Variants in GRIK2 observed in about 807,000 individuals in gnomAD.
GRIK2 encodes the protein glutamate ionotropic receptor kainate type subunit 2.
A neutral mutation model predicts 100.3 loss-of-function variants in GRIK2; 32 were observed. The observed-to-expected ratio is 0.32, with a 90% CI of 0.24 to 0.43. GRIK2 has a LOEUF of 0.43. Ranked by LOEUF, GRIK2 falls within the 20% of genes least tolerant of loss-of-function variation. GRIK2 has a pLI of 1.00. For synonymous variants in GRIK2, 417 were observed against 389.4 expected (o/e 1.07, Z -0.83); for missense variants, 843 against 1,114.9 (o/e 0.76, Z 3.47).
intron 2 of GRIK2, among the ~76,000 whole-genome samples, chr6:101,482,956 T>C (rs940227625): frequency 6.6e-6 from 1 of 152,232 alleles, no homozygotes; most frequent in Non-Finnish European, 1.5e-5. Flanking sequence ...AATTTTATTT[T>C]TTATTTGGTA....
At chr6:101,444,995 C>G (rs1332220650) in intron 2 of GRIK2, among the ~76,000 whole-genome samples, 1 of 151,938 alleles carries the variant, frequency 6.6e-6, no homozygotes, top group Non-Finnish European at 1.5e-5. Flanking sequence ...TCAGACATTT[C>G]TTCTTCCTTC....
chr6:101,403,426 C>A (rs2128236262), intron 2 of GRIK2, among the ~76,000 whole-genome samples: 2 of 152,330 alleles, frequency 1.3e-5, no homozygotes, highest in South Asian at 4.1e-4. Flanking sequence ...CTCTTTGGCA[C>A]TGCACACTGA....
chr6:101,828,568 A>G (rs1001257552), intron 10 of GRIK2, among the ~76,000 whole-genome samples: 2 of 151,996 alleles, frequency 1.3e-5, no homozygotes, highest in Admixed American at 6.6e-5. Context: ...AACTAAGCAC[A>G]ACTGAACACA....
chr6:101,686,081 A>T, intron 6 of GRIK2, 99 bp from the exon 7 acceptor site: 1 of 748,844 alleles, frequency 1.3e-6, no homozygotes, highest in Non-Finnish European at 2.2e-6. Flanking sequence ...CAAAGGTGTT[A>T]AGTGACCTAA....
chr6:101,737,663 A>T lies in GRIK2; in HGVS notation c.951+51310A>T, dbSNP rs184229058. ...GGGTGGGGACACAGATCCAAACAATATCACATGGTATCATGGTGAAAAATG... is the reference window on the plus strand; with the variant it reads ...GGGTGGGGACACAGATCCAAACAATTTCACATGGTATCATGGTGAAAAATG... On this transcript the variant is annotated intron_variant, in intron 7 of 16. Transcript: ENST00000369134. Among the ~76,000 whole-genome samples the T allele has an allele frequency of 1.8e-3, 269 of 152,302 alleles. 2 individuals carry two copies. Among genetic ancestry groups the T allele is most frequent in the African/African-American group, 5.9e-3 (245 of 41,566 alleles).
At chr6:102,050,323 G>A (rs968762664) in intron 15 of GRIK2, among the ~76,000 whole-genome samples, 27 of 151,850 alleles carry the variant, frequency 1.8e-4, no homozygotes, top group African/African-American at 5.8e-4. Flanking sequence ...GAGCACAGGA[G>A]GGAAGTGGAA....
intron 2 of GRIK2, among the ~76,000 whole-genome samples, chr6:101,404,919 T>G (rs1429901931): frequency 6.6e-6 from 1 of 152,224 alleles, no homozygotes; most frequent in Non-Finnish European, 1.5e-5. Flanking sequence ...GATTTCAATC[T>G]GATAACATCA....
intron 9 of GRIK2, among the ~76,000 whole-genome samples, chr6:101,816,066 T>C (rs1781612043): frequency 6.6e-6 from 1 of 152,100 alleles, no homozygotes; most frequent in Non-Finnish European, 1.5e-5. Context: ...ATAAAAGTAA[T>C]AATGGAGGGT....
At chr6:101,746,427 A>G (rs918735222) in intron 7 of GRIK2, among the ~76,000 whole-genome samples, 9 of 152,036 alleles carry the variant, frequency 5.9e-5, no homozygotes, top group Non-Finnish European at 8.8e-5. Flanking sequence ...CCTGGGTTCA[A>G]TTGATTCTTC....
intron 14 of GRIK2, among the ~76,000 whole-genome samples, chr6:101,983,969 T>C (rs1389422418): frequency 1.3e-5 from 2 of 151,694 alleles, no homozygotes; most frequent in Non-Finnish European, 3.0e-5. Context: ...AGATTGCTTA[T>C]AGCATAAACA....
intron 2 of GRIK2, among the ~76,000 whole-genome samples, chr6:101,463,814 A>AG (rs1413268806): frequency 6.6e-6 from 1 of 151,206 alleles, no homozygotes; most frequent in African/African-American, 2.4e-5. Flanking sequence ...GAGGAGCACT[A>AG]GTGAACATCG....
chr6:101,924,083 TA>T (rs769718244), intron 12 of GRIK2, among the ~76,000 whole-genome samples: 1 of 152,132 alleles, frequency 6.6e-6, no homozygotes, highest in Non-Finnish European at 1.5e-5. Flanking sequence ...TACACATAAA[TA>T]TGTAAATTCA....
chr6:102,006,917 T>A (rs1441633982), intron 14 of GRIK2, among the ~76,000 whole-genome samples: 3 of 152,090 alleles, frequency 2.0e-5, no homozygotes, highest in African/African-American at 7.2e-5. Context: ...CTGGGTAATT[T>A]TAAATGGAAA....
intron 2 of GRIK2, among the ~76,000 whole-genome samples, chr6:101,491,297 A>C (rs1349658385): frequency 6.6e-6 from 1 of 151,398 alleles, no homozygotes; most frequent in Non-Finnish European, 1.5e-5. Context: ...AACCCAACCA[A>C]ACAAACAAAA....
At chr6:101,463,185 C>A (rs190217581) in intron 2 of GRIK2, among the ~76,000 whole-genome samples, 334 of 152,160 alleles carry the variant, frequency 2.2e-3, no homozygotes, top group Admixed American at 7.5e-3. Context: ...AGCATAGAGA[C>A]ATTTTACAGG....
intron 9 of GRIK2, among the ~76,000 whole-genome samples, chr6:101,816,242 TAA>T (rs60188503): frequency 4.7e-5 from 7 of 149,226 alleles, no homozygotes; most frequent in South Asian, 4.2e-4. Context: ...CAATTTATAT[TAA>T]AAAAAAAAGT....
chr6:102,055,689 T>C, intron 16 of GRIK2, 109 bp downstream of exon 16: 1 of 702,996 alleles, frequency 1.4e-6, no homozygotes, highest in Non-Finnish European at 2.4e-6. Context: ...CATAGAACTA[T>C]TGCTCTAAAT....
chr6:102,005,689 C>G (rs1298288375), intron 14 of GRIK2, among the ~76,000 whole-genome samples: 2 of 152,036 alleles, frequency 1.3e-5, no homozygotes, highest in Non-Finnish European at 2.9e-5. Context: ...AGTAAATTTG[C>G]TTTTACGCCA....
intron 2 of GRIK2, among the ~76,000 whole-genome samples, chr6:101,412,528 T>A (rs927801102): frequency 7.9e-5 from 12 of 152,052 alleles, no homozygotes; most frequent in African/African-American, 2.9e-4. Flanking sequence ...AATTTTAAGA[T>A]AAATATTGAA....
Sources: allele counts gnomAD v4.1 joint callset (sites outside exome capture counted in the v4.1 genomes callset), GRCh38; gene constraint gnomAD v4.1.1; transcripts MANE v1.5; gene names NCBI Gene and HGNC (gene_info 2026-07-23, HGNC 2026-07-21).